SLC67A2: variants seen among roughly 807,000 people sequenced by gnomAD.
SLC67A2 encodes solute carrier family 67 member 2.
At chr2:102,732,724 T>C in the SLC67A2 span, among the ~76,000 whole-genome samples, 2 of 152,126 alleles carry the variant, frequency 1.3e-5, no homozygotes, top group Non-Finnish European at 2.9e-5. Context: ...TTGTATTTAT[T>C]GGTGAACCAG....
chr2:102,732,343 G>T, the SLC67A2 span: 1 of 1,613,440 alleles, frequency 6.2e-7, no homozygotes, highest in Non-Finnish European at 8.5e-7. Flanking sequence ...GCAACTGTTG[G>T]ACTTGCTCCA....
chr2:102,726,110 A>T, the SLC67A2 span, among the ~76,000 whole-genome samples: 1 of 152,246 alleles, frequency 6.6e-6, no homozygotes, highest in Non-Finnish European at 1.5e-5. Flanking sequence ...TGTTAAAAAC[A>T]GTCCAGACGA....
the SLC67A2 span, among the ~76,000 whole-genome samples, chr2:102,722,519 A>G: frequency 6.6e-6 from 1 of 152,254 alleles, no homozygotes; most frequent in Non-Finnish European, 1.5e-5. Context: ...TAAATACATT[A>G]AAAATAAAAT....
the SLC67A2 span, chr2:102,726,958 A>G: frequency 6.2e-7 from 1 of 1,613,762 alleles, no homozygotes; most frequent in Admixed American, 1.7e-5. Flanking sequence ...TCTTCCCACT[A>G]CATCGCTCCA....
At chr2:102,727,304 C>T in the SLC67A2 span, among the ~76,000 whole-genome samples, 1 of 152,128 alleles carries the variant, frequency 6.6e-6, no homozygotes, top group East Asian at 1.9e-4. Flanking sequence ...CTTTATAAAA[C>T]TACACTCTTC....
At chr2:102,735,320 A>G in the SLC67A2 span, among the ~76,000 whole-genome samples, 70,124 of 152,034 alleles carry the variant, frequency 0.46, 17,138 homozygotes, top group African/African-American at 0.64. Context: ...CAGCAATTTG[A>G]TGAACATGCT....
At chr2:102,731,198 C>T in the SLC67A2 span, 1 of 605,310 alleles carries the variant, frequency 1.7e-6, no homozygotes, top group Admixed American at 3.7e-5. Context: ...TAAATTATCT[C>T]ACATCTTTTT....
the SLC67A2 span, among the ~76,000 whole-genome samples, chr2:102,728,569 C>T: frequency 3.9e-5 from 6 of 152,292 alleles, no homozygotes; most frequent in Middle Eastern, 3.4e-3. Flanking sequence ...TAGGTGTCTT[C>T]AATCCTACTC....
At chr2:102,726,696 C>T in the SLC67A2 span, 1 of 1,191,078 alleles carries the variant, frequency 8.4e-7, no homozygotes, top group African/African-American at 1.5e-5. Flanking sequence ...AGAGACTTGC[C>T]AGGCACGGCT....
chr2:102,736,686 GCTCCGACGGCACCGGAGTCGGCAGC>G, the SLC67A2 span: 48 of 1,613,448 alleles, frequency 3.0e-5, no homozygotes, highest in East Asian at 3.1e-4. Context: ...GAAGCGGCGG[GCTCCGACGGCACCGGAGTCGGCAGC>G]CTCCGCCTCG....
At chr2:102,722,393 T>G in the SLC67A2 span, among the ~76,000 whole-genome samples, 1 of 152,240 alleles carries the variant, frequency 6.6e-6, no homozygotes, top group Non-Finnish European at 1.5e-5. Context: ...GCCCATCACC[T>G]ACCACTGTGC....
At chr2:102,736,424 CGGGGT>C in the SLC67A2 span, 2 of 1,265,296 alleles carry the variant, frequency 1.6e-6, no homozygotes, top group South Asian at 3.1e-5. Flanking sequence ...GTTCCGCGAA[CGGGGT>C]GCAAGAGAAA....
the SLC67A2 span, chr2:102,723,771 T>A: frequency 6.2e-7 from 1 of 1,614,192 alleles, no homozygotes. Flanking sequence ...TTCAGTGAGA[T>A]AGCCACCGAC....
At chr2:102,722,494 T>C in the SLC67A2 span, among the ~76,000 whole-genome samples, 2 of 152,250 alleles carry the variant, frequency 1.3e-5, no homozygotes, top group Non-Finnish European at 2.9e-5. Context: ...TCCATAATTG[T>C]ATTTAAATTT....
chr2:102,714,962 T>C, the SLC67A2 span, among the ~76,000 whole-genome samples: 1 of 152,214 alleles, frequency 6.6e-6, no homozygotes, highest in Non-Finnish European at 1.5e-5. Context: ...CTTATAGAAG[T>C]GTCTTCAGGA....
At chr2:102,718,595 G>C in the SLC67A2 span, 1 of 1,613,528 alleles carries the variant, frequency 6.2e-7, no homozygotes. Context: ...TGCAGTCACA[G>C]ACTGCCCCAC....
At chr2:102,718,503 A>C in the SLC67A2 span, 1 of 1,614,098 alleles carries the variant, frequency 6.2e-7, no homozygotes, top group South Asian at 1.1e-5. Flanking sequence ...ACTAAGGCTA[A>C]CACAGCGCCC....
chr2:102,732,342 G>A, the SLC67A2 span: 5 of 1,613,322 alleles, frequency 3.1e-6, no homozygotes, highest in African/African-American at 2.7e-5. Context: ...AGCAACTGTT[G>A]GACTTGCTCC....
chr2:102,735,970 G>C, the SLC67A2 span, among the ~76,000 whole-genome samples: 1 of 152,086 alleles, frequency 6.6e-6, no homozygotes, highest in African/African-American at 2.4e-5. Context: ...AGTCAACCGA[G>C]AGCTCTAGTG....
Sources: gnomAD v4.1 joint callset for allele counts (sites outside exome capture counted in the v4.1 genomes callset) on GRCh38, gnomAD v4.1.1 for gene constraint, MANE v1.5 for transcripts, NCBI Gene and HGNC (gene_info 2026-07-23, HGNC 2026-07-21) for gene names.